Variants in SLC16A12 observed in about 807,000 individuals in gnomAD.
The protein encoded by SLC16A12 is monocarboxylate transporter 12.
A neutral mutation model predicts 42.4 loss-of-function variants in SLC16A12; 17 were observed. That is an observed-to-expected ratio of 0.40 (90% CI 0.27 to 0.60). The LOEUF is 0.60. Ranked by LOEUF, SLC16A12 falls within the 20% of genes least tolerant of loss-of-function variation. SLC16A12 has a pLI of 0.42. For missense variants in SLC16A12, 544 were observed against 623.0 expected (o/e 0.87, Z 1.35); for synonymous variants, 224 against 229.4 (o/e 0.98, Z 0.21).
At chr10:89,481,099 T>C (rs1652115970) in intron 2 of SLC16A12, among the ~76,000 whole-genome samples, 2 of 152,130 alleles carry the variant, frequency 1.3e-5, no homozygotes, top group Admixed American at 1.3e-4. Flanking sequence ...AAAATGCCCA[T>C]CTATGTTGGG....
At chr10:89,451,254 G>T (rs543573810) in intron 3 of SLC16A12, among the ~76,000 whole-genome samples, 3 of 152,318 alleles carry the variant, frequency 2.0e-5, no homozygotes, top group South Asian at 2.1e-4. Flanking sequence ...GGGTGTGAAA[G>T]TAGGTGGTGA....
At chr10:89,433,876 G>A (rs1411990928) in intron 7 of SLC16A12, among the ~76,000 whole-genome samples, 1 of 151,786 alleles carries the variant, frequency 6.6e-6, no homozygotes, top group Admixed American at 6.6e-5. Flanking sequence ...TTTATCTCTT[G>A]TTGCAACAAA....
At chr10:89,549,928 C>T (rs1222321260) in intron 2 of SLC16A12, among the ~76,000 whole-genome samples, 1 of 152,160 alleles carries the variant, frequency 6.6e-6, no homozygotes, top group Middle Eastern at 3.2e-3. Context: ...TCCCTCTTTC[C>T]TTTCTCCCTC....
intron 2 of SLC16A12, among the ~76,000 whole-genome samples, chr10:89,515,906 C>T (rs1843243799): frequency 6.6e-6 from 1 of 152,192 alleles, no homozygotes; most frequent in Non-Finnish European, 1.5e-5. Context: ...TAAACCAGTA[C>T]TGCCTTGCAG....
intron 5 of SLC16A12, 114 bp from the exon 6 acceptor site, chr10:89,439,297 G>A (rs1841863533): frequency 3.7e-6 from 4 of 1,090,616 alleles, no homozygotes; most frequent in Non-Finnish European, 4.0e-6. Flanking sequence ...CCCTTTTAAA[G>A]CTGCTTTTTA....
chr10:89,440,369 G>C (rs1161408435), intron 5 of SLC16A12, among the ~76,000 whole-genome samples: 1 of 152,122 alleles, frequency 6.6e-6, no homozygotes, highest in Non-Finnish European at 1.5e-5. Flanking sequence ...GGTTACTAGG[G>C]GTGGGTGTAC....
At chr10:89,460,981 T>C (rs1467549817) in intron 3 of SLC16A12, among the ~76,000 whole-genome samples, 2 of 152,180 alleles carry the variant, frequency 1.3e-5, no homozygotes, top group Non-Finnish European at 2.9e-5. Context: ...GCACTGTATC[T>C]TTGTTATGGG....
Position 89,430,853 on chromosome 10 carries a change from T to A in SLC16A12, c.*2211A>T, listed in dbSNP as rs1841683022. 2.6e-6 allele frequency: 1 copy of A among 383,450 alleles called. No homozygotes were observed. The highest frequency in any genetic ancestry group is 5.1e-6 in the Non-Finnish European group (1 of 196,846). 23.8% of individuals were successfully genotyped at this position (383,450 alleles called of 1,614,324 possible). A position where few individuals can be genotyped will look rare whatever the true frequency, so the allele number is the denominator to read the frequency against. ...CATAAACAAAATTTTGTTGTGATCA[T>A]GATAAAAAATATGTATAAGAATATT... On this transcript the variant is annotated 3_prime_UTR_variant, in exon 8 of 8. Transcript: ENST00000371790.
intron 2 of SLC16A12, among the ~76,000 whole-genome samples, chr10:89,529,744 C>T (rs962899145): frequency 9.2e-5 from 14 of 152,138 alleles, no homozygotes; most frequent in Admixed American, 3.3e-4. Flanking sequence ...GACGGGGTTT[C>T]GCCATGTTGG....
chr10:89,435,568 C>T (rs1024684713), intron 7 of SLC16A12, among the ~76,000 whole-genome samples: 3 of 152,090 alleles, frequency 2.0e-5, no homozygotes, highest in African/African-American at 7.2e-5. Context: ...TATACTTTAC[C>T]ATATTATCCT....
At chr10:89,470,778 G>A (rs1296488580) in intron 2 of SLC16A12, among the ~76,000 whole-genome samples, 4 of 152,218 alleles carry the variant, frequency 2.6e-5, no homozygotes, top group Non-Finnish European at 4.4e-5. Context: ...GCACCAAGAT[G>A]AGTTTCACTT....
chr10:89,475,352 G>A (rs756472180), intron 2 of SLC16A12, among the ~76,000 whole-genome samples: 13 of 152,172 alleles, frequency 8.5e-5, no homozygotes, highest in Admixed American at 8.5e-4. Flanking sequence ...CTGAACGTGG[G>A]AGGGAAGTTA....
chr10:89,496,690 C>T (rs1249205527), intron 2 of SLC16A12, among the ~76,000 whole-genome samples: 2 of 152,076 alleles, frequency 1.3e-5, no homozygotes, highest in Non-Finnish European at 1.5e-5. Flanking sequence ...GAGCTAACAT[C>T]CTCATGATTT....
chr10:89,536,058 G>C (rs551283145), upstream of SLC16A12, among the ~76,000 whole-genome samples: 7 of 151,926 alleles, frequency 4.6e-5, no homozygotes, highest in South Asian at 1.4e-3. Context: ...GACGTCTCGC[G>C]GTTATGTAAT....
At chr10:89,486,651 GAAAGAAAGAAAGAAAA>G (rs1842755318) in intron 2 of SLC16A12, among the ~76,000 whole-genome samples, 1 of 47,938 alleles carries the variant, frequency 2.1e-5, no homozygotes, top group Non-Finnish European at 4.2e-5. Flanking sequence ...AAGAAAGAAA[GAAAGAAAGAAAGAAAA>G]GAAAGAAAGA....
chr10:89,533,167 A>G (rs943519090), intron 2 of SLC16A12, among the ~76,000 whole-genome samples: 46 of 137,602 alleles, frequency 3.3e-4, no homozygotes, highest in Non-Finnish European at 3.7e-4. Flanking sequence ...TGTCGTTTTT[A>G]GTTTTTTTTT....
At chr10:89,451,105 A>C (rs1842090056) in intron 3 of SLC16A12, among the ~76,000 whole-genome samples, 1 of 152,228 alleles carries the variant, frequency 6.6e-6, no homozygotes, top group South Asian at 2.1e-4. Flanking sequence ...TGATAACAGT[A>C]GGGAAGAAAT....
At chr10:89,439,838 G>A (rs1036636981) in intron 5 of SLC16A12, among the ~76,000 whole-genome samples, 1 of 152,008 alleles carries the variant, frequency 6.6e-6, no homozygotes, top group African/African-American at 2.4e-5. Flanking sequence ...TTGGGATGCT[G>A]AGGCAGGCAG....
chr10:89,465,886 TGGGAAA>T (rs1287495832), intron 2 of SLC16A12, among the ~76,000 whole-genome samples: 8 of 152,322 alleles, frequency 5.3e-5, no homozygotes, highest in African/African-American at 1.9e-4. Flanking sequence ...AGAAGTCCTC[TGGGAAA>T]TGTTTCCCTG....
Sources: gnomAD v4.1 joint callset for allele counts (sites outside exome capture counted in the v4.1 genomes callset) on GRCh38, gnomAD v4.1.1 for gene constraint, MANE v1.5 for transcripts, NCBI Gene and HGNC (gene_info 2026-07-23, HGNC 2026-07-21) for gene names.